Variants in GRID2 observed in about 807,000 individuals in gnomAD.
The protein encoded by GRID2 is glutamate ionotropic receptor delta type subunit 2.
Under a neutral mutation model 114.8 loss-of-function variants are expected in GRID2, and 33 were observed. That is an observed-to-expected ratio of 0.29 (90% CI 0.22 to 0.38). The LOEUF (loss-of-function observed/expected upper bound fraction) is 0.38. Ranked by LOEUF, GRID2 falls within the 10% of genes least tolerant of loss-of-function variation. GRID2 has a pLI of 1.00. For missense variants in GRID2, 1,184 were observed against 1,257.7 expected, an observed-to-expected ratio of 0.94 and a Z score of 0.89; for synonymous variants, 505 against 449.9, an observed-to-expected ratio of 1.12 and a Z score of -1.55.
chr4:92,442,905 G>C (rs546275669), intron 1 of GRID2, among the ~76,000 whole-genome samples: 50 of 151,448 alleles, frequency 3.3e-4, no homozygotes, highest in South Asian at 6.3e-4. Context: ...AGTCATGGAA[G>C]GAAACTGTAA....
chr4:93,630,370 G>A (rs1471121323), intron 14 of GRID2, among the ~76,000 whole-genome samples: 1 of 152,146 alleles, frequency 6.6e-6, no homozygotes, highest in Non-Finnish European at 1.5e-5. Flanking sequence ...GAAGAAAACT[G>A]AATTTTTCGG....
In GRID2 at chr4:92,935,612, AC is replaced by A. The variant is rs1361660779; in HGVS notation, c.245-149382del. 1.4e-5 allele frequency among the ~76,000 whole-genome samples: 2 copies of A among 146,984 alleles called. 1 individual carries two copies. The highest frequency in any genetic ancestry group is 3.0e-5 in the Non-Finnish European group (2 of 66,446). ...TATGTTTATTGCGGCACTATTCACAACAGCAAAGACTTGGAACCCACCCAAA... is the reference window on the plus strand; with the variant it reads ...TATGTTTATTGCGGCACTATTCACAAAGCAAAGACTTGGAACCCACCCAAA... On this transcript the variant is annotated intron_variant, in intron 2 of 15. Transcript: ENST00000282020.
chr4:92,835,239 G>T (rs188756476), intron 2 of GRID2, among the ~76,000 whole-genome samples: 3 of 151,696 alleles, frequency 2.0e-5, no homozygotes, highest in South Asian at 2.1e-4. Context: ...GGTAGGGAAA[G>T]TATCTCAAAG....
rs192298259 is a variant in GRID2 at position 92,443,484 on chromosome 4, G to A, written c.88+138740G>A. Among the ~76,000 whole-genome samples the A allele has an allele frequency of 3.1e-3, 478 of 152,028 alleles. 4 individuals are homozygous for A. The highest frequency in any genetic ancestry group is 0.011 in the African/African-American group (438 of 41,454). ...TAGAGAAAAGAGAGAGTAGAGAAAC[G>A]GAGGGAAGGGGTTTGGGGGTTCTTA... On this transcript the variant is annotated intron_variant, in intron 1 of 15. Transcript: ENST00000282020.
chr4:92,388,606 A>C (rs1415656901), intron 1 of GRID2, among the ~76,000 whole-genome samples: 2 of 151,984 alleles, frequency 1.3e-5, no homozygotes, highest in Non-Finnish European at 2.9e-5. Context: ...TTGTTTTCCG[A>C]GACTGGTTCC....
At chr4:93,757,180 T>G (rs1436836663) in intron 14 of GRID2, among the ~76,000 whole-genome samples, 1 of 152,136 alleles carries the variant, frequency 6.6e-6, no homozygotes, top group Admixed American at 6.6e-5. Context: ...TAATAGTGCA[T>G]AGTTTAGTAT....
intron 3 of GRID2, among the ~76,000 whole-genome samples, chr4:93,086,555 T>C (rs898031811): frequency 2.0e-5 from 3 of 152,122 alleles, no homozygotes; most frequent in Non-Finnish European, 4.4e-5. Flanking sequence ...CAGAGTCTTA[T>C]TAAACTTGGT....
chr4:93,499,023 A>G (rs1189364077), intron 12 of GRID2, among the ~76,000 whole-genome samples: 1 of 151,742 alleles, frequency 6.6e-6, no homozygotes, highest in Non-Finnish European at 1.5e-5. Flanking sequence ...TTCATTTTTT[A>G]TTGATTGGTA....
intron 2 of GRID2, among the ~76,000 whole-genome samples, chr4:92,975,013 C>T (rs891705453): frequency 4.0e-5 from 6 of 151,516 alleles, no homozygotes; most frequent in African/African-American, 1.5e-4. Context: ...AAAAATTAGC[C>T]GGGCATGGTG....
intron 8 of GRID2, among the ~76,000 whole-genome samples, chr4:93,240,493 G>C (rs2149515515): frequency 6.6e-6 from 1 of 150,480 alleles, no homozygotes; most frequent in Middle Eastern, 3.4e-3. Flanking sequence ...GATTTTAGAA[G>C]TTATGTATAT....
chr4:93,128,735 C>G (rs1457267785), intron 4 of GRID2, among the ~76,000 whole-genome samples: 19 of 152,156 alleles, frequency 1.2e-4, no homozygotes, highest in Non-Finnish European at 7.4e-5. Context: ...TTTGCCTTTT[C>G]TGGGAGACCT....
chr4:93,595,803 A>T (rs1047455852), intron 13 of GRID2, among the ~76,000 whole-genome samples: 8 of 152,354 alleles, frequency 5.3e-5, no homozygotes, highest in African/African-American at 1.4e-4. Context: ...TGTAAAGATC[A>T]TATAGAATAC....
intron 4 of GRID2, among the ~76,000 whole-genome samples, chr4:93,199,481 T>C (rs1471627991): frequency 6.6e-6 from 1 of 152,182 alleles, no homozygotes; most frequent in African/African-American, 2.4e-5. Context: ...CCACAGGGTG[T>C]GGGAAGACCC....
intron 1 of GRID2, among the ~76,000 whole-genome samples, chr4:92,444,979 T>G (rs1228918168): frequency 6.6e-6 from 1 of 152,162 alleles, no homozygotes; most frequent in Non-Finnish European, 1.5e-5. Context: ...CCATATTTGT[T>G]TGTTTGTTTG....
intron 13 of GRID2, among the ~76,000 whole-genome samples, chr4:93,569,724 G>A (rs771828769): frequency 3.3e-5 from 5 of 152,068 alleles, no homozygotes; most frequent in South Asian, 2.1e-4. Flanking sequence ...TCCTTCAGCC[G>A]CACTGGTCTT....
At chr4:93,081,506 A>G (rs1729867020) in intron 2 of GRID2, among the ~76,000 whole-genome samples, 1 of 152,188 alleles carries the variant, frequency 6.6e-6, no homozygotes, top group South Asian at 2.1e-4. Context: ...TGCAATTGCT[A>G]TTAAAAATAA....
intron 2 of GRID2, among the ~76,000 whole-genome samples, chr4:92,664,380 C>T (rs1473668182): frequency 6.6e-6 from 1 of 151,036 alleles, no homozygotes; most frequent in Non-Finnish European, 1.5e-5. Flanking sequence ...AATTTGTTCA[C>T]TTTCTAGCTT....
intron 13 of GRID2, among the ~76,000 whole-genome samples, chr4:93,565,705 C>T (rs1175644770): frequency 6.6e-6 from 1 of 152,022 alleles, no homozygotes; most frequent in Non-Finnish European, 1.5e-5. Context: ...ATAGTTATTC[C>T]TTCTTTAAAT....
At chr4:93,327,802 G>A (rs1240049963) in intron 8 of GRID2, among the ~76,000 whole-genome samples, 4 of 151,978 alleles carry the variant, frequency 2.6e-5, no homozygotes, top group Non-Finnish European at 4.4e-5. Context: ...TGTTCTGGTG[G>A]TGGTAGATAT....
Sources: gnomAD v4.1 joint callset for allele counts (sites outside exome capture counted in the v4.1 genomes callset) on GRCh38, gnomAD v4.1.1 for gene constraint, MANE v1.5 for transcripts, NCBI Gene and HGNC (gene_info 2026-07-23, HGNC 2026-07-21) for gene names.